Variants in PIK3CD observed in about 807,000 individuals in gnomAD.
PIK3CD encodes the protein phosphatidylinositol 4,5-bisphosphate 3-kinase catalytic subunit delta isoform.
In PIK3CD, 20 loss-of-function variants were observed where a neutral mutation model predicts 122.9. The observed-to-expected ratio is 0.16, with a 90% CI of 0.11 to 0.24. The LOEUF is 0.24. PIK3CD is among the 10% of genes least tolerant of loss of function. The pLI is 1.00. For synonymous variants in PIK3CD, 596 were observed against 593.4 expected, an observed-to-expected ratio of 1.00 and a Z score of -0.06; for missense variants, 787 against 1,406.3, an observed-to-expected ratio of 0.56 and a Z score of 7.04.
the PIK3CD span, among the ~76,000 whole-genome samples, chr1:9,628,307 GAA>G: frequency 6.6e-6 from 1 of 151,988 alleles, no homozygotes; most frequent in Non-Finnish European, 1.5e-5. Flanking sequence ...ATCTCAAAAA[GAA>G]AGAAAGAAAA....
intron 1 of PIK3CD, among the ~76,000 whole-genome samples, chr1:9,686,564 G>C (rs1428105738): frequency 6.6e-6 from 1 of 152,026 alleles, no homozygotes; most frequent in East Asian, 1.9e-4. Context: ...GTGTGGCCCA[G>C]GCTGGTCTTG....
In PIK3CD at chr1:9,720,691, G is replaced by A; in HGVS notation, c.1521+30G>A. On this transcript the variant is annotated intron_variant, in intron 12 of 23. Coordinates refer to ENST00000377346, the MANE Select transcript of PIK3CD (RefSeq NM_005026.5). This position sits in a 1 kb window ranked among gnomAD's most constrained non-coding sequence, Gnocchi z 9.0. The stretch of plus-strand genomic sequence containing the variant: ...GTGGGGTGGGGGTGTGGGGTGGGGG[G>A]CATGGAGCCGGCGTGGAACCAGAGC... 2 of 1,284,292 alleles carry A rather than the reference G, an allele frequency of 1.6e-6. No individual in the cohort carries two copies. The highest frequency in any genetic ancestry group is 2.1e-6 in the Non-Finnish European group (2 of 938,096). The allele number at this position is 1,284,292 out of a possible 1,614,324, so 79.6% of individuals were successfully genotyped here. A position where few individuals can be genotyped will look rare whatever the true frequency, so the allele number is the denominator to read the frequency against.
At chr1:9,681,457 C>G (rs1329604938) in intron 1 of PIK3CD, among the ~76,000 whole-genome samples, 1 of 152,204 alleles carries the variant, frequency 6.6e-6, no homozygotes, top group Non-Finnish European at 1.5e-5. Flanking sequence ...CTCTGTCACC[C>G]AGGCTGGAGT....
In PIK3CD at chr1:9,652,022, C is replaced by G. The variant is rs905051761; in HGVS notation, c.-138+220C>G. Among the ~76,000 whole-genome samples, 1 of 151,788 alleles carries G rather than the reference C, an allele frequency of 6.6e-6. No individual in the cohort carries two copies. The highest frequency in any genetic ancestry group is 1.5e-5 in the Non-Finnish European group (1 of 67,894). ...CTGCTGGGACCTGGGCGGGGGCTGC[C>G]CTAGAGGCCCGGGGCCGTCCCCCGT... On this transcript the variant is annotated intron_variant, in intron 1 of 23. Transcript: ENST00000377346. This position sits in a 1 kb window ranked among gnomAD's most constrained non-coding sequence, Gnocchi z 6.2.
At chr1:9,699,602 T>C (rs1481308624) in intron 2 of PIK3CD, among the ~76,000 whole-genome samples, 1 of 91,076 alleles carries the variant, frequency 1.1e-5, no homozygotes, top group African/African-American at 1.0e-4. Flanking sequence ...TGTACTTTCT[T>C]TTTTTTTTTT....
At chr1:9,676,220 G>A (rs1427221976) in intron 1 of PIK3CD, among the ~76,000 whole-genome samples, 2 of 152,042 alleles carry the variant, frequency 1.3e-5, no homozygotes, top group African/African-American at 2.4e-5. Context: ...GTGAGCCACC[G>A]CACCCAGCCA....
chr1:9,643,516 T>C, the PIK3CD span, among the ~76,000 whole-genome samples: 2 of 149,282 alleles, frequency 1.3e-5, no homozygotes, highest in Admixed American at 1.3e-4. Flanking sequence ...GAAGAAAGAT[T>C]AAAAAAATAA....
rs1165241780 is a variant in PIK3CD at position 9,683,467 on chromosome 1, AC to A, written c.-137-7999del. On this transcript the variant is annotated intron_variant, in intron 1 of 23. Coordinates refer to ENST00000377346, the MANE Select transcript of PIK3CD (RefSeq NM_005026.5). ...AAAAAAAATAAAAACAACAACAACA[AC>A]AACAAAAAAAACGAGCCTTGTGCCT... 1.1e-3 allele frequency among the ~76,000 whole-genome samples: 124 copies of A among 109,736 alleles called. 2 individuals carry two copies. The South Asian group carries it at 0.022, about 20-fold the overall frequency. 72.0% of individuals were successfully genotyped at this position (109,736 alleles called of 152,430 possible). A position where few individuals can be genotyped will look rare whatever the true frequency, so the allele number is the denominator to read the frequency against.
intron 1 of PIK3CD, chr1:9,653,631 A>G (rs1644747328): frequency 6.8e-6 from 3 of 439,300 alleles, no homozygotes; most frequent in Admixed American, 2.9e-5. Context: ...CCCCTCCCCA[A>G]TTTGATTGAT....
upstream of PIK3CD, among the ~76,000 whole-genome samples, chr1:9,648,798 G>T (rs1462792311): frequency 6.6e-6 from 1 of 152,202 alleles, no homozygotes; most frequent in African/African-American, 2.4e-5. Context: ...TCTGCAGCCT[G>T]CATCTTAGAA....
In PIK3CD at chr1:9,722,568, C is replaced by G. The variant is rs142407480; in HGVS notation, c.2388C>G (p.Leu796=). The G allele has an allele frequency of 6.2e-7, 1 of 1,613,702 alleles. No homozygotes were observed. ...QDMLTLQMIQ[L]MDVLWKQEGL... The stretch of plus-strand genomic sequence containing the variant: ...TGCTGACCCTGCAGATGATCCAGCT[C>G]ATGGACGTCCTGTGGAAGCAGGAGG... The change falls in exon 19 of 24, where the codon CTC becomes CTG. Residue 796 remains leucine (L), a synonymous_variant. Coordinates refer to ENST00000377346, the MANE Select transcript of PIK3CD (RefSeq NM_005026.5). The surrounding 1 kb of genome is among the most constrained non-coding windows in gnomAD (Gnocchi z 7.6).
At position 9,715,595 on chromosome 1, in the gene PIK3CD, G is replaced by A; in HGVS notation, c.196G>A (p.Glu66Lys). ...EPLFHMLSGP[E>K]AYVFTCINQT... ...GCTCTTCCACATGCTCAGTGGCCCC[G>A]AGGCCTATGTGTTCACCTGCATCAA... The change falls in exon 4 of 24, where the codon GAG (glutamate) becomes AAG (lysine). Residue 66 changes from glutamate (E) to lysine (K), a missense_variant. Glu to Lys is a moderately conservative substitution (Grantham distance 56). This residue lies in a region of PIK3CD where 592 missense variants were observed against 920.6 expected (regional missense o/e 0.64). Coordinates refer to ENST00000377346, the MANE Select transcript of PIK3CD (RefSeq NM_005026.5). This position sits in a 1 kb window ranked among gnomAD's most constrained non-coding sequence, Gnocchi z 4.1. 1 of 1,613,830 alleles carries A rather than the reference G, an allele frequency of 6.2e-7. No individual in the cohort carries two copies. Among genetic ancestry groups the A allele is most frequent in the Non-Finnish European group, 8.5e-7 (1 of 1,180,042 alleles).
At chr1:9,630,558 C>A in the PIK3CD span, among the ~76,000 whole-genome samples, 2 of 152,310 alleles carry the variant, frequency 1.3e-5, no homozygotes, top group African/African-American at 2.4e-5. Flanking sequence ...AGCAGCTGAG[C>A]GAATAGGCAA....
At chr1:9,651,205 C>T (rs1006836989), upstream of PIK3CD, among the ~76,000 whole-genome samples, 1 of 152,190 alleles carries the variant, frequency 6.6e-6, no homozygotes, top group Non-Finnish European at 1.5e-5. Flanking sequence ...AGATCTACTC[C>T]TGTGCCTGCA....
In PIK3CD at chr1:9,717,206, T is replaced by C; in HGVS notation, c.930+98T>C. 1 of 1,448,200 alleles carries C rather than the reference T, an allele frequency of 6.9e-7. No individual in the cohort carries two copies. The highest frequency in any genetic ancestry group is 9.7e-7 in the Non-Finnish European group (1 of 1,035,866). 89.7% of individuals were successfully genotyped at this position (1,448,200 alleles called of 1,614,324 possible). A position where few individuals can be genotyped will look rare whatever the true frequency, so the allele number is the denominator to read the frequency against. ...TGGCCATGGGTCCAGGGGCCCTTGG[T>C]ATGGAGAGCTGGGGCTTTGAGCTGG... On this transcript the variant is annotated intron_variant, in intron 7 of 23. Transcript: ENST00000377346. This position sits in a 1 kb window ranked among gnomAD's most constrained non-coding sequence, Gnocchi z 5.4.
At chr1:9,682,630 A>G (rs1645800225) in intron 1 of PIK3CD, among the ~76,000 whole-genome samples, 1 of 152,052 alleles carries the variant, frequency 6.6e-6, no homozygotes, top group African/African-American at 2.4e-5. Flanking sequence ...GCTCACTGCC[A>G]TCTCCGCCTC....
the PIK3CD span, among the ~76,000 whole-genome samples, chr1:9,646,542 A>C: frequency 6.6e-6 from 1 of 152,228 alleles, no homozygotes; most frequent in Non-Finnish European, 1.5e-5. Flanking sequence ...GGGAAGGTAA[A>C]CATATGGGAG....
chr1:9,708,479 C>T (rs1430958247), intron 2 of PIK3CD, among the ~76,000 whole-genome samples: 2 of 152,106 alleles, frequency 1.3e-5, no homozygotes, highest in Non-Finnish European at 2.9e-5. Flanking sequence ...CCATGCCTGA[C>T]CATGCGCAGA....
At chr1:9,686,321 G>A (rs1448965839) in intron 1 of PIK3CD, among the ~76,000 whole-genome samples, 2 of 151,594 alleles carry the variant, frequency 1.3e-5, no homozygotes, top group South Asian at 4.2e-4. Flanking sequence ...GGCCTCCTAA[G>A]TAGCTAGGAC....
Sources: allele counts gnomAD v4.1 joint callset (sites outside exome capture counted in the v4.1 genomes callset), GRCh38; gene constraint gnomAD v4.1.1; regional missense constraint gnomAD v4.1.1; non-coding constraint Gnocchi (gnomAD v3.1); transcripts MANE v1.5; gene names NCBI Gene and HGNC (gene_info 2026-07-23, HGNC 2026-07-21).